The following ERG variants were observed in gnomAD, a reference collection of about 807,000 sequenced individuals.
ERG encodes the protein ETS transcription factor ERG, also known as transcriptional regulator ERG.
Under a neutral mutation model 55.3 loss-of-function variants are expected in ERG, and 9 were observed. That is an observed-to-expected ratio of 0.16 (90% CI 0.10 to 0.28). ERG has a LOEUF of 0.28. ERG is among the 10% of genes least tolerant of loss of function. The pLI is 1.00. For missense variants in ERG, 434 were observed against 631.6 expected, an observed-to-expected ratio of 0.69 and a Z score of 3.35; for synonymous variants, 223 against 237.3, an observed-to-expected ratio of 0.94 and a Z score of 0.55.
chr21:38,565,868 A>G (rs1002514950), intron 2 of ERG, among the ~76,000 whole-genome samples: 5 of 152,200 alleles, frequency 3.3e-5, no homozygotes, highest in Admixed American at 2.0e-4. Context: ...TGTTCAGTTC[A>G]TGCTGTAGCC....
intron 6 of ERG, chr21:38,400,343 T>C: frequency 1.6e-6 from 1 of 634,666 alleles, no homozygotes; most frequent in Non-Finnish European, 3.0e-6. Context: ...TCTGTCTTTC[T>C]GAAAAGCTAG....
At chr21:38,479,978 A>G (rs2059222591) in intron 1 of ERG, among the ~76,000 whole-genome samples, 1 of 152,208 alleles carries the variant, frequency 6.6e-6, no homozygotes, top group Non-Finnish European at 1.5e-5. Flanking sequence ...CGGAATTGCC[A>G]GGATCAGTCC....
chr21:38,561,284 A>G (rs1301578350), intron 2 of ERG, among the ~76,000 whole-genome samples: 2 of 152,156 alleles, frequency 1.3e-5, no homozygotes, highest in Non-Finnish European at 2.9e-5. Flanking sequence ...TTCTTTCCTG[A>G]TGTCTTTGCT....
At chr21:38,428,354 C>T (rs954645721) in intron 2 of ERG, among the ~76,000 whole-genome samples, 7 of 152,180 alleles carry the variant, frequency 4.6e-5, no homozygotes, top group African/African-American at 1.7e-4. Context: ...CCCACCTTCA[C>T]CAGGCATTCC....
intron 2 of ERG, among the ~76,000 whole-genome samples, chr21:38,564,229 C>G (rs921852267): frequency 1.9e-4 from 29 of 151,974 alleles, no homozygotes; most frequent in African/African-American, 7.0e-4. Context: ...ATAAGATGTA[C>G]TTTCTTTTAT....
chr21:38,479,487 T>C (rs1179751124), intron 1 of ERG, among the ~76,000 whole-genome samples: 1 of 152,176 alleles, frequency 6.6e-6, no homozygotes, highest in Non-Finnish European at 1.5e-5. Flanking sequence ...AATGAGATCA[T>C]AGATTAGGGT....
rs141259829 is a variant in ERG, at chr21:38,551,763, G to A, written c.-41+23899C>T. ...TGCAAATTGTTTTATAGCCAAGTGC[G>A]TAGTCAATTTTGAAGTATGTGCCAC... On this transcript the variant is annotated intron_variant, in intron 2 of 8. Coordinates refer to the ERG transcript ENST00000398897. Among the ~76,000 whole-genome samples the A allele has an allele frequency of 2.6e-5, 4 of 152,222 alleles. No homozygotes were observed. In the South Asian group the frequency reaches 6.2e-4, roughly 24 times the overall value.
upstream of ERG, among the ~76,000 whole-genome samples, chr21:38,589,483 C>T (rs550275973): frequency 1.8e-3 from 273 of 152,324 alleles, no homozygotes; most frequent in Non-Finnish European, 2.9e-3. Flanking sequence ...CCAGCCCCAA[C>T]ACCAGTGTAA....
intron 1 of ERG, among the ~76,000 whole-genome samples, chr21:38,473,094 T>TTTTCA (rs2059154913): frequency 1.3e-5 from 2 of 150,360 alleles, no homozygotes. Context: ...GTGTAGCAAG[T>TTTTCA]TTTCATTTTC....
the ERG span, among the ~76,000 whole-genome samples, chr21:38,374,900 T>A: frequency 7.2e-5 from 11 of 152,188 alleles, no homozygotes; most frequent in African/African-American, 2.4e-4. Flanking sequence ...TCCTGAAGAT[T>A]GTTTTCTGAC....
chr21:38,493,852 G>T (rs1228998720), intron 1 of ERG, among the ~76,000 whole-genome samples: 1 of 152,222 alleles, frequency 6.6e-6, no homozygotes, highest in Non-Finnish European at 1.5e-5. Context: ...TACCCTGCCT[G>T]GGTGTGGGAG....
At chr21:38,557,504 A>C (rs1174418313) in intron 2 of ERG, among the ~76,000 whole-genome samples, 1 of 152,094 alleles carries the variant, frequency 6.6e-6, no homozygotes, top group Admixed American at 6.5e-5. Context: ...TCTGGGACCA[A>C]CCTGAGGTTT....
the ERG span, among the ~76,000 whole-genome samples, chr21:38,369,519 T>C: frequency 2.0e-5 from 3 of 152,256 alleles, no homozygotes; most frequent in Admixed American, 2.0e-4. Context: ...AGATGCTGGA[T>C]ATTAGACCTT....
intron 2 of ERG, among the ~76,000 whole-genome samples, chr21:38,572,303 G>A (rs1337588059): frequency 1.3e-5 from 2 of 150,002 alleles, no homozygotes; most frequent in African/African-American, 4.9e-5. Context: ...AGGAGGCAGA[G>A]GTTGCAGCAA....
At chr21:38,587,417 G>C (rs1157948370), upstream of ERG, among the ~76,000 whole-genome samples, 1 of 151,154 alleles carries the variant, frequency 6.6e-6, no homozygotes, top group Non-Finnish European at 1.5e-5. Flanking sequence ...GGAGTGCAGT[G>C]GCACGATCTT....
At chr21:38,614,027 C>A (rs2060244456) in intron 1 of ERG, among the ~76,000 whole-genome samples, 1 of 152,110 alleles carries the variant, frequency 6.6e-6, no homozygotes, top group African/African-American at 2.4e-5. Context: ...GAGATCATCC[C>A]ACTCCACTCG....
intron 2 of ERG, among the ~76,000 whole-genome samples, chr21:38,540,173 G>A (rs1319857193): frequency 1.3e-5 from 2 of 152,144 alleles, no homozygotes; most frequent in Admixed American, 6.5e-5. Context: ...TGGGATTACA[G>A]GCTGAGCCAC....
chr21:38,586,323 C>T (rs1568932367), upstream of ERG, among the ~76,000 whole-genome samples: 1 of 151,380 alleles, frequency 6.6e-6, no homozygotes, highest in Non-Finnish European at 1.5e-5. Context: ...GAAATCTACT[C>T]TTAGTGATTT....
At chr21:38,463,495 T>A (rs1389913478) in intron 1 of ERG, among the ~76,000 whole-genome samples, 1 of 152,212 alleles carries the variant, frequency 6.6e-6, no homozygotes. Flanking sequence ...TGTCCACATA[T>A]CATGCACATG....
Sources: allele counts gnomAD v4.1 joint callset (sites outside exome capture counted in the v4.1 genomes callset), GRCh38; gene constraint gnomAD v4.1.1; transcripts MANE v1.5; gene names NCBI Gene and HGNC (gene_info 2026-07-23, HGNC 2026-07-21).